The following GTF2F2 variants were observed in gnomAD, a reference collection of about 807,000 sequenced individuals.
The protein encoded by GTF2F2 is ATP-dependent helicase GTF2F2.
A neutral mutation model predicts 42.2 loss-of-function variants in GTF2F2; 23 were observed. The ratio of observed to expected loss-of-function variants is 0.55; its 90% confidence interval spans 0.39 to 0.77. The LOEUF (loss-of-function observed/expected upper bound fraction) is 0.77, where lower values mean the gene tolerates loss of function less well. GTF2F2 is among the 30% of genes least tolerant of loss of function. The probability of loss-of-function intolerance (pLI) is 0.00; values close to 1 mark genes in which losing one functional copy is unlikely to be tolerated. For missense variants in GTF2F2, 261 were observed against 287.2 expected (o/e 0.91, Z 0.66); for synonymous variants, 105 against 100.8 (o/e 1.04, Z -0.25).
At chr13:45,184,727 A>C (rs1872335396) in intron 4 of GTF2F2, among the ~76,000 whole-genome samples, 1 of 152,116 alleles carries the variant, frequency 6.6e-6, no homozygotes, top group African/African-American at 2.4e-5. Flanking sequence ...GAAAGTTAGG[A>C]AAGATTTTAC....
chr13:45,207,540 A>G, intron 5 of GTF2F2, 35 bp downstream of exon 5: 1 of 1,278,164 alleles, frequency 7.8e-7, no homozygotes, highest in Non-Finnish European at 1.1e-6. Flanking sequence ...GATACCTGAT[A>G]TTTCCCTTTG....
intron 5 of GTF2F2, among the ~76,000 whole-genome samples, chr13:45,237,647 A>G (rs1287344642): frequency 6.6e-6 from 1 of 152,236 alleles, no homozygotes; most frequent in Non-Finnish European, 1.5e-5. Context: ...GGTCACACCT[A>G]GGGATGGACC....
chr13:45,228,234 C>G (rs377303716), intron 5 of GTF2F2, among the ~76,000 whole-genome samples: 1 of 134,722 alleles, frequency 7.4e-6, no homozygotes. Flanking sequence ...CCCTAAACAC[C>G]AGTCTCTGCT....
intron 4 of GTF2F2, among the ~76,000 whole-genome samples, chr13:45,167,564 A>T (rs1188950148): frequency 2.0e-5 from 3 of 151,644 alleles, no homozygotes; most frequent in Non-Finnish European, 4.4e-5. Context: ...CACCCAGCTA[A>T]TTTTTTTGTA....
intron 7 of GTF2F2, among the ~76,000 whole-genome samples, chr13:45,272,794 G>A (rs1268351312): frequency 6.7e-6 from 1 of 149,822 alleles, no homozygotes; most frequent in Non-Finnish European, 1.5e-5. Flanking sequence ...AGGCTGGAGT[G>A]CTCAAAGCTC....
intron 4 of GTF2F2, among the ~76,000 whole-genome samples, chr13:45,155,700 T>C (rs984504321): frequency 1.3e-5 from 2 of 152,222 alleles, no homozygotes; most frequent in Non-Finnish European, 2.9e-5. Flanking sequence ...TTTATTTTTA[T>C]GGGCTATTTT....
At chr13:45,265,595 C>T (rs1359067717) in intron 6 of GTF2F2, among the ~76,000 whole-genome samples, 6 of 152,178 alleles carry the variant, frequency 3.9e-5, no homozygotes, top group Admixed American at 2.0e-4. Context: ...CCCTTTGTCT[C>T]ACTCCCAACT....
chr13:45,187,938 T>C (rs1009842351), intron 4 of GTF2F2, among the ~76,000 whole-genome samples: 1 of 152,250 alleles, frequency 6.6e-6, no homozygotes, highest in Non-Finnish European at 1.5e-5. Flanking sequence ...GATGGGAGTC[T>C]CACTCTGTTG....
chr13:45,147,279 A>T (rs182090646), intron 2 of GTF2F2, among the ~76,000 whole-genome samples: 1 of 152,222 alleles, frequency 6.6e-6, no homozygotes, highest in Non-Finnish European at 1.5e-5. Flanking sequence ...AGCTGCTTCA[A>T]GCTGTCTTTA....
intron 4 of GTF2F2, among the ~76,000 whole-genome samples, chr13:45,179,235 T>C (rs1872031609): frequency 6.6e-6 from 1 of 152,164 alleles, no homozygotes; most frequent in South Asian, 2.1e-4. Context: ...AAAGGGATTG[T>C]TTTCAGTCAT....
intron 4 of GTF2F2, among the ~76,000 whole-genome samples, chr13:45,190,081 G>A (rs970021982): frequency 2.0e-5 from 3 of 151,982 alleles, no homozygotes; most frequent in African/African-American, 7.2e-5. Context: ...CAGAATGGGA[G>A]AAAATTTTTG....
At chr13:45,121,533 G>A (rs1453398580) in intron 1 of GTF2F2, among the ~76,000 whole-genome samples, 1 of 152,032 alleles carries the variant, frequency 6.6e-6, no homozygotes, top group Non-Finnish European at 1.5e-5. Flanking sequence ...CTTTCTTGTC[G>A]GCCTTCCTAA....
intron 7 of GTF2F2, among the ~76,000 whole-genome samples, chr13:45,279,830 A>G (rs980380020): frequency 1.3e-5 from 2 of 152,146 alleles, no homozygotes; most frequent in African/African-American, 4.8e-5. Context: ...ACTTGAACCC[A>G]GTAGGCAAAA....
chr13:45,159,566 A>G (rs1218620471), intron 4 of GTF2F2, among the ~76,000 whole-genome samples: 1 of 152,312 alleles, frequency 6.6e-6, no homozygotes, highest in East Asian at 1.9e-4. Flanking sequence ...CAGGAGTTCA[A>G]GATCAGCCTG....
intron 4 of GTF2F2, among the ~76,000 whole-genome samples, chr13:45,170,215 A>G (rs1871523333): frequency 6.6e-6 from 1 of 152,142 alleles, no homozygotes; most frequent in Non-Finnish European, 1.5e-5. Context: ...TTTTGTAGAG[A>G]CAGGGTCTCA....
intron 5 of GTF2F2, among the ~76,000 whole-genome samples, chr13:45,223,606 AT>A (rs1410233484): frequency 6.6e-6 from 1 of 152,190 alleles, no homozygotes; most frequent in Non-Finnish European, 1.5e-5. Flanking sequence ...TCAGTAGCAC[AT>A]TTTTTAAATA....
chr13:45,270,061 A>T (rs1228224623), intron 7 of GTF2F2, among the ~76,000 whole-genome samples: 1 of 152,118 alleles, frequency 6.6e-6, no homozygotes, highest in Non-Finnish European at 1.5e-5. Flanking sequence ...TGAACTCCTG[A>T]CCTCAGGTGA....
chr13:45,122,559 G>A (rs140579535), intron 1 of GTF2F2, among the ~76,000 whole-genome samples: 36 of 152,208 alleles, frequency 2.4e-4, no homozygotes, highest in African/African-American at 8.2e-4. Context: ...ACTTGAAACC[G>A]GGAGACGGAG....
chr13:45,173,703 C>T (rs555256627), intron 4 of GTF2F2, among the ~76,000 whole-genome samples: 117 of 150,476 alleles, frequency 7.8e-4, no homozygotes, highest in African/African-American at 2.4e-3. Context: ...CTGCAAGCTC[C>T]GCCTCCCAGG....
Sources: gnomAD v4.1 joint callset for allele counts (sites outside exome capture counted in the v4.1 genomes callset) on GRCh38, gnomAD v4.1.1 for gene constraint, MANE v1.5 for transcripts, NCBI Gene and HGNC (gene_info 2026-07-23, HGNC 2026-07-21) for gene names.